EVI5: variants seen among roughly 807,000 people sequenced by gnomAD.
The protein encoded by EVI5 is ecotropic viral integration site 5, also known as ecotropic viral integration site 5 protein homolog.
Under a neutral mutation model 112.0 loss-of-function variants are expected in EVI5, and 73 were observed. The ratio of observed to expected loss-of-function variants is 0.65; its 90% confidence interval spans 0.54 to 0.79. The LOEUF (loss-of-function observed/expected upper bound fraction) is 0.79. EVI5 is among the 30% of genes least tolerant of loss of function. The pLI is 0.00. For missense variants in EVI5, 900 were observed against 968.8 expected, an observed-to-expected ratio of 0.93 and a Z score of 0.94; for synonymous variants, 305 against 319.9, an observed-to-expected ratio of 0.95 and a Z score of 0.50.
At chr1:92,567,447 C>T (rs1035438236) in intron 18 of EVI5, among the ~76,000 whole-genome samples, 1 of 152,190 alleles carries the variant, frequency 6.6e-6, no homozygotes, top group Non-Finnish European at 1.5e-5. Context: ...ATTCATGGTA[C>T]CATGCTCTAT....
At chr1:92,667,289 TA>T (rs1049072789) in intron 10 of EVI5, among the ~76,000 whole-genome samples, 33 of 146,440 alleles carry the variant, frequency 2.3e-4, no homozygotes, top group African/African-American at 2.2e-4. Flanking sequence ...GTCTCAAATT[TA>T]AAAAAAAAAA....
chr1:92,670,359 T>C (rs1199173313), intron 10 of EVI5, among the ~76,000 whole-genome samples: 2 of 152,218 alleles, frequency 1.3e-5, no homozygotes, highest in African/African-American at 2.4e-5. Context: ...ACCCCAACAA[T>C]TGTTTTCACT....
intron 19 of EVI5, among the ~76,000 whole-genome samples, chr1:92,554,818 A>G (rs1667445465): frequency 6.6e-6 from 1 of 152,088 alleles, no homozygotes; most frequent in African/African-American, 2.4e-5. Flanking sequence ...AAACAAAAAC[A>G]AAAACAAACC....
In EVI5 at chr1:92,672,136, CATT is replaced by C. The variant is rs202054587; in HGVS notation, c.1158+5019_1158+5021del. Among the ~76,000 whole-genome samples the C allele has an allele frequency of 6.4e-3, 967 of 152,234 alleles. 5 individuals are homozygous for C. The highest frequency in any genetic ancestry group is 0.013 in the Admixed American group (192 of 15,292). ...CTGGCCCACCATCATCTTTTGTCTGCATTACCACATCAGCGTTCATCAGAAATG... is the reference window on the plus strand; with the variant it reads ...CTGGCCCACCATCATCTTTTGTCTGCACCACATCAGCGTTCATCAGAAATG... On this transcript the variant is annotated intron_variant, in intron 10 of 19. Transcript: ENST00000684568.
chr1:92,746,826 T>G (rs1430567154), intron 1 of EVI5, among the ~76,000 whole-genome samples: 1 of 150,606 alleles, frequency 6.6e-6, no homozygotes, highest in Non-Finnish European at 1.5e-5. Context: ...GAGCCTGAGG[T>G]CAAGGCTGCA....
At chr1:92,527,007 A>C (rs1330116700) in intron 19 of EVI5, among the ~76,000 whole-genome samples, 1 of 152,192 alleles carries the variant, frequency 6.6e-6, no homozygotes, top group Non-Finnish European at 1.5e-5. Flanking sequence ...TGTAACTCTG[A>C]CTGTCCCCCA....
chr1:92,785,509 T>C (rs1171501490), upstream of EVI5, among the ~76,000 whole-genome samples: 1 of 152,176 alleles, frequency 6.6e-6, no homozygotes, highest in Non-Finnish European at 1.5e-5. Context: ...GAGGTGGCCT[T>C]AGGGCACTCG....
chr1:92,611,459 G>A (rs531162598), intron 16 of EVI5, among the ~76,000 whole-genome samples: 172 of 151,896 alleles, frequency 1.1e-3, no homozygotes, highest in Non-Finnish European at 2.1e-3. Flanking sequence ...AGCACTTTGG[G>A]AGGCCAAGGC....
chr1:92,656,544 A>T (rs1440264352), intron 13 of EVI5, among the ~76,000 whole-genome samples: 1 of 152,066 alleles, frequency 6.6e-6, no homozygotes, highest in Admixed American at 6.6e-5. Flanking sequence ...CCATAGCAGA[A>T]CTAAATGAAA....
chr1:92,656,852 A>C (rs1038950924), intron 13 of EVI5, among the ~76,000 whole-genome samples: 1 of 152,186 alleles, frequency 6.6e-6, no homozygotes, highest in African/African-American at 2.4e-5. Flanking sequence ...AAATCCTAAA[A>C]AGACTAATAA....
At position 92,607,729 on chromosome 1, in the gene EVI5, TA is replaced by T. The variant is rs1229379898; in HGVS notation, c.1828-3del. ...AAGATGGTTACTATTGATCTGGTTC[TA>T]ATAATCAGAAATATAAATACTGAGA... On this transcript the variant is annotated splice_polypyrimidine_tract_variant and splice_region_variant and intron_variant, in intron 16 of 19. Transcript: ENST00000684568. The T allele has an allele frequency of 6.3e-7, 1 of 1,580,922 alleles. No individual in the cohort carries two copies. The highest frequency in any genetic ancestry group is 8.6e-7 in the Non-Finnish European group (1 of 1,167,130).
intron 18 of EVI5, among the ~76,000 whole-genome samples, chr1:92,574,723 G>A (rs189651363): frequency 6.6e-6 from 1 of 152,212 alleles, no homozygotes; most frequent in East Asian, 1.9e-4. Context: ...TTTTTAATCT[G>A]TTTGTGCTTG....
intron 13 of EVI5, among the ~76,000 whole-genome samples, chr1:92,637,143 C>T (rs1334359224): frequency 2.0e-5 from 3 of 151,972 alleles, no homozygotes; most frequent in Non-Finnish European, 4.4e-5. Context: ...TTTGGGAGGC[C>T]GAGGCGGGTG....
chr1:92,697,178 A>G (rs1303198037), intron 6 of EVI5, among the ~76,000 whole-genome samples: 2 of 152,184 alleles, frequency 1.3e-5, no homozygotes, highest in African/African-American at 4.8e-5. Flanking sequence ...CTCTCATGCC[A>G]GCTGATTCAT....
At position 92,544,594 on chromosome 1, in the gene EVI5, A is replaced by G. The variant is rs529078211; in HGVS notation, c.2166+19048T>C. 3.3e-5 allele frequency among the ~76,000 whole-genome samples: 5 copies of G among 152,348 alleles called. No individual in the cohort carries two copies. The South Asian group carries it at 1.0e-3, about 32-fold the overall frequency. ...AAGTTGTAGGAAAATATTTGCAATAAAAAGTTTAATGGTTTAGACTGAAAT... is the reference window on the plus strand; with the variant it reads ...AAGTTGTAGGAAAATATTTGCAATAGAAAGTTTAATGGTTTAGACTGAAAT... On this transcript the variant is annotated intron_variant, in intron 19 of 19. Transcript: ENST00000684568.
chr1:92,621,189 A>T (rs1477971833), intron 16 of EVI5, among the ~76,000 whole-genome samples: 1 of 152,214 alleles, frequency 6.6e-6, no homozygotes, highest in Non-Finnish European at 1.5e-5. Context: ...GAAACAAAGA[A>T]ACAAAGAACA....
rs1280185875 is a variant in EVI5, at chr1:92,737,234, TG to T, written c.-81-608del. On this transcript the variant is annotated intron_variant, in intron 1 of 19. Coordinates refer to ENST00000684568, the MANE Select transcript of EVI5 (RefSeq NM_001350197.2). ...ACCCCAGGAACAAAATTATGGTAAA[TG>T]GCTGGGTTAATAGAATGAGAGGGGT... Among the ~76,000 whole-genome samples, 5 of 152,276 alleles carry T rather than the reference TG, an allele frequency of 3.3e-5. No homozygotes were observed. The East Asian group carries it at 9.7e-4, about 29-fold the overall frequency.
At chr1:92,579,746 C>G (rs558099013) in intron 18 of EVI5, among the ~76,000 whole-genome samples, 1 of 152,236 alleles carries the variant, frequency 6.6e-6, no homozygotes, top group East Asian at 1.9e-4. Context: ...AAGATATGAG[C>G]TCTCAAACTC....
chr1:92,676,587 C>T (rs772947011), intron 10 of EVI5, among the ~76,000 whole-genome samples: 20 of 152,070 alleles, frequency 1.3e-4, no homozygotes, highest in African/African-American at 2.4e-4. Flanking sequence ...TCAAGAATTC[C>T]GTGTTTTATG....
Sources: allele counts gnomAD v4.1 joint callset (sites outside exome capture counted in the v4.1 genomes callset), GRCh38; gene constraint gnomAD v4.1.1; transcripts MANE v1.5; gene names NCBI Gene and HGNC (gene_info 2026-07-23, HGNC 2026-07-21).